CUL2: variants seen among roughly 807,000 people sequenced by gnomAD.
CUL2 encodes the protein cullin-2.
In CUL2, 22 loss-of-function variants were observed where a neutral mutation model predicts 110.2. The observed-to-expected ratio is 0.20, with a 90% CI of 0.14 to 0.28. CUL2 has a LOEUF of 0.28. Among genes scored for constraint, CUL2 ranks in the 10% least tolerant of loss-of-function variants. The pLI is 1.00. For missense variants in CUL2, 631 were observed against 905.5 expected (o/e 0.70, Z 3.89); for synonymous variants, 279 against 293.2 (o/e 0.95, Z 0.49).
At chr10:35,049,503 G>GA (rs1413954743) in intron 6 of CUL2, among the ~76,000 whole-genome samples, 180 bp downstream of exon 6, 4 of 60,562 alleles carry the variant, frequency 6.6e-5, no homozygotes, top group African/African-American at 1.5e-4. Context: ...AAAAAAGAAA[G>GA]AAGAAGAAGA....
chr10:35,100,151 T>G (rs941568452), intron 2 of CUL2, among the ~76,000 whole-genome samples: 1 of 151,864 alleles, frequency 6.6e-6, no homozygotes, highest in Non-Finnish European at 1.5e-5. Context: ...TAAAATAAAA[T>G]AGTCTGGCAT....
intron 1 of CUL2, among the ~76,000 whole-genome samples, chr10:35,102,899 A>G (rs551684021): frequency 6.6e-6 from 1 of 151,932 alleles, no homozygotes; most frequent in Non-Finnish European, 1.5e-5. Context: ...AAAAAAAAAA[A>G]ATTTTAAGAA....
chr10:35,025,317 T>C (rs1317473333), intron 16 of CUL2, 119 bp from the exon 17 acceptor site: 1 of 1,331,108 alleles, frequency 7.5e-7, no homozygotes, highest in African/African-American at 1.5e-5. Flanking sequence ...TTAAAGCCCA[T>C]CTGGTTTACC....
intron 2 of CUL2, among the ~76,000 whole-genome samples, chr10:35,064,868 A>G (rs980448711): frequency 4.6e-5 from 7 of 152,270 alleles, no homozygotes; most frequent in African/African-American, 9.6e-5. Context: ...TGTAAACAAA[A>G]TCTACTGGAA....
At chr10:35,042,860 G>C (rs1373536955) in intron 8 of CUL2, among the ~76,000 whole-genome samples, 2 of 152,112 alleles carry the variant, frequency 1.3e-5, no homozygotes, top group East Asian at 3.8e-4. Context: ...TCGGTCAGTA[G>C]TCCGGAGGCC....
intron 1 of CUL2, among the ~76,000 whole-genome samples, chr10:35,110,799 G>A (rs1280224180): frequency 6.6e-6 from 1 of 152,066 alleles, no homozygotes; most frequent in Non-Finnish European, 1.5e-5. Context: ...CCAGTCATAT[G>A]GGATTAAGGT....
At chr10:35,078,375 A>T (rs1487244963) in intron 1 of CUL2, among the ~76,000 whole-genome samples, 1 of 151,108 alleles carries the variant, frequency 6.6e-6, no homozygotes, top group East Asian at 1.9e-4. Flanking sequence ...GGCTCACCAC[A>T]ACCTTCACAT....
intron 18 of CUL2, 92 bp downstream of exon 18, chr10:35,016,100 A>G: frequency 9.5e-7 from 1 of 1,055,106 alleles, no homozygotes; most frequent in Non-Finnish European, 1.4e-6. Context: ...AGAGCACAAT[A>G]ACAATTACAG....
intron 8 of CUL2, among the ~76,000 whole-genome samples, chr10:35,044,006 A>T (rs1332921684): frequency 6.7e-6 from 1 of 148,490 alleles, no homozygotes; most frequent in African/African-American, 2.5e-5. Flanking sequence ...AGCCATGATC[A>T]AGCCACTGCA....
chr10:35,106,381 G>A (rs951668828), intron 1 of CUL2, among the ~76,000 whole-genome samples: 1 of 151,534 alleles, frequency 6.6e-6, no homozygotes, highest in Non-Finnish European at 1.5e-5. Context: ...GTGCAGTGGC[G>A]CGATCTCCGG....
chr10:35,107,932 C>CAGGAA (rs1366414105), intron 1 of CUL2, among the ~76,000 whole-genome samples: 1 of 146,272 alleles, frequency 6.8e-6, no homozygotes, highest in Non-Finnish European at 1.5e-5. Flanking sequence ...GGTTCCTACT[C>CAGGAA]TTCCTAAGTT....
At chr10:35,040,484 A>G (rs2085756241) in intron 8 of CUL2, among the ~76,000 whole-genome samples, 1 of 152,184 alleles carries the variant, frequency 6.6e-6, no homozygotes, top group South Asian at 2.1e-4. Flanking sequence ...AGTGCTGCTG[A>G]GTTGGCCTGG....
intron 1 of CUL2, among the ~76,000 whole-genome samples, chr10:35,087,098 T>C (rs940142230): frequency 6.6e-6 from 1 of 152,218 alleles, no homozygotes; most frequent in Non-Finnish European, 1.5e-5. Context: ...AGGGTCTCAC[T>C]CTGTCACTCA....
At chr10:35,057,808 C>G (rs2086279067) in intron 4 of CUL2, among the ~76,000 whole-genome samples, 1 of 128,502 alleles carries the variant, frequency 7.8e-6, no homozygotes, top group Admixed American at 7.5e-5. Flanking sequence ...TTAATAAAGA[C>G]ATGGGCTGGA....
At chr10:35,093,476 T>C (rs2087244839), upstream of CUL2, among the ~76,000 whole-genome samples, 2 of 151,702 alleles carry the variant, frequency 1.3e-5, no homozygotes, top group East Asian at 1.9e-4. Context: ...CTGGACAATA[T>C]AGCAAAACCC....
At chr10:35,040,164 T>C (rs11597757) in intron 8 of CUL2, among the ~76,000 whole-genome samples, 1 of 151,888 alleles carries the variant, frequency 6.6e-6, no homozygotes. Context: ...AAAAAATAAA[T>C]ATAAATAAAA....
intron 9 of CUL2, among the ~76,000 whole-genome samples, chr10:35,038,506 A>T (rs1387176666): frequency 2.3e-5 from 3 of 131,070 alleles, no homozygotes; most frequent in Non-Finnish European, 4.7e-5. Context: ...AGCCTGGGCG[A>T]CAGAGTGAGA....
intron 2 of CUL2, among the ~76,000 whole-genome samples, chr10:35,100,236 GA>G (rs2087358429): frequency 6.6e-6 from 1 of 151,954 alleles, no homozygotes; most frequent in African/African-American, 2.4e-5. Context: ...ATAAAACAAA[GA>G]AAAAACATTC....
intron 1 of CUL2, among the ~76,000 whole-genome samples, chr10:35,114,826 T>TA (rs71033377): frequency 1 from 152,234 of 152,310 alleles, 76,079 homozygotes; most frequent in Non-Finnish European, 1. Flanking sequence ...AGGTCTGAAA[T>TA]AAAAAATACA....
Sources: gnomAD v4.1 joint callset for allele counts (sites outside exome capture counted in the v4.1 genomes callset) on GRCh38, gnomAD v4.1.1 for gene constraint, MANE v1.5 for transcripts, NCBI Gene and HGNC (gene_info 2026-07-23, HGNC 2026-07-21) for gene names.